Variants in CADM2 observed in about 807,000 individuals in gnomAD.
CADM2 encodes the protein immunoglobulin superfamily member 4D.
A neutral mutation model predicts 49.8 loss-of-function variants in CADM2; 12 were observed. The ratio of observed to expected loss-of-function variants is 0.24; its 90% CI spans 0.15 to 0.39. CADM2 has a LOEUF of 0.39. Ranked by LOEUF, CADM2 falls within the 10% of genes least tolerant of loss-of-function variation. The pLI is 1.00. For missense variants in CADM2, 378 were observed against 492.3 expected (o/e 0.77, Z 2.20); for synonymous variants, 214 against 175.4 (o/e 1.22, Z -1.74).
At chr3:85,619,846 C>G (rs918466324) in intron 1 of CADM2, among the ~76,000 whole-genome samples, 1 of 152,154 alleles carries the variant, frequency 6.6e-6, no homozygotes, top group Non-Finnish European at 1.5e-5. Context: ...AACTTAAAAT[C>G]AACATTGCTT....
At chr3:85,498,426 C>T (rs1357168190) in intron 1 of CADM2, among the ~76,000 whole-genome samples, 1 of 152,024 alleles carries the variant, frequency 6.6e-6, no homozygotes, top group African/African-American at 2.4e-5. Context: ...ATTTGTATAT[C>T]GGTCACTCTG....
At chr3:85,666,238 G>C (rs11708601) in intron 1 of CADM2, among the ~76,000 whole-genome samples, 58,312 of 151,788 alleles carry the variant, frequency 0.38, 12,308 homozygotes, top group East Asian at 0.54. Flanking sequence ...AAGGAAATAA[G>C]ATAGGACACA....
Position 85,229,783 on chromosome 3 carries a change from G to C in CADM2, c.61+270115G>C, listed in dbSNP as rs182378723. Among the ~76,000 whole-genome samples, 272 of 152,272 alleles carry C rather than the reference G, an allele frequency of 1.8e-3. 1 individual carries two copies. Among genetic ancestry groups the C allele is most frequent in the African/African-American group, 6.3e-3 (261 of 41,538 alleles). On this transcript the variant is annotated intron_variant, in intron 1 of 9. Transcript: ENST00000383699. ...GATTGTCATGGCCTCAGGTGTACAA[G>C]TGTGAACAACCTTTCTTCCTGTCTT...
chr3:84,983,428 T>C (rs1559601852), intron 1 of CADM2, among the ~76,000 whole-genome samples: 1 of 152,016 alleles, frequency 6.6e-6, no homozygotes, highest in Non-Finnish European at 1.5e-5. Flanking sequence ...TTGACTATTA[T>C]GCCTAGAATT....
At chr3:85,468,529 T>G (rs1416348189) in intron 1 of CADM2, among the ~76,000 whole-genome samples, 3 of 152,176 alleles carry the variant, frequency 2.0e-5, no homozygotes, top group Non-Finnish European at 4.4e-5. Context: ...TAGTTCACAT[T>G]TATTTCAATG....
intron 1 of CADM2, among the ~76,000 whole-genome samples, chr3:85,288,272 G>A (rs1056784302): frequency 2.6e-5 from 4 of 151,950 alleles, no homozygotes; most frequent in African/African-American, 7.2e-5. Flanking sequence ...TTAATGACAA[G>A]TGTATATGGA....
At chr3:85,847,547 T>C (rs925439452) in intron 3 of CADM2, among the ~76,000 whole-genome samples, 2 of 152,198 alleles carry the variant, frequency 1.3e-5, no homozygotes, top group Non-Finnish European at 2.9e-5. Flanking sequence ...CTTAAAAATG[T>C]TCTTGGAGAA....
chr3:85,201,787 G>A (rs1457920011), intron 1 of CADM2, among the ~76,000 whole-genome samples: 2 of 152,012 alleles, frequency 1.3e-5, no homozygotes, highest in South Asian at 4.2e-4. Context: ...TCATGTATAA[G>A]AAGCAACTCC....
chr3:85,838,490 T>G (rs1181020087), intron 3 of CADM2, among the ~76,000 whole-genome samples: 1 of 151,840 alleles, frequency 6.6e-6, no homozygotes, highest in Non-Finnish European at 1.5e-5. Flanking sequence ...TAGCACATAT[T>G]ATGCACTCAA....
intron 5 of CADM2, among the ~76,000 whole-genome samples, chr3:85,889,447 T>C (rs1249935761): frequency 6.6e-6 from 1 of 152,180 alleles, no homozygotes; most frequent in East Asian, 1.9e-4. Context: ...CCTGAAAATG[T>C]GCGTGTTTGC....
chr3:85,326,947 A>ATT (rs146004301), intron 1 of CADM2, among the ~76,000 whole-genome samples: 5 of 150,626 alleles, frequency 3.3e-5, no homozygotes, highest in African/African-American at 1.2e-4. Flanking sequence ...GATTAGATCA[A>ATT]TTTTTTTTTT....
At position 85,124,641 on chromosome 3, in the gene CADM2, C is replaced by G. The variant is rs57414148; in HGVS notation, c.61+164973C>G. ...TAACTAACAAACAAAAACAAGTAAA[C>G]AAAGAAAATACTGCAAGTGGAAAAT... On this transcript the variant is annotated intron_variant, in intron 1 of 9. Coordinates refer to ENST00000383699, the MANE Select transcript of CADM2 (RefSeq NM_001167675.2). Among the ~76,000 whole-genome samples the G allele has an allele frequency of 5.9e-3, 905 of 152,104 alleles. 13 individuals are homozygous for G. Among genetic ancestry groups the G allele is most frequent in the African/African-American group, 0.02 (841 of 41,490 alleles).
chr3:85,897,681 A>G (rs1034638280), intron 5 of CADM2, among the ~76,000 whole-genome samples: 5 of 152,104 alleles, frequency 3.3e-5, no homozygotes, highest in Admixed American at 1.3e-4. Flanking sequence ...AAACTACTTG[A>G]TAAATGGTAG....
intron 1 of CADM2, among the ~76,000 whole-genome samples, chr3:85,699,710 C>T (rs182338144): frequency 6.6e-6 from 1 of 152,218 alleles, no homozygotes. Flanking sequence ...ATTTTTCCCC[C>T]CTAGGCCTCC....
chr3:85,298,334 A>G (rs76836015), intron 1 of CADM2, among the ~76,000 whole-genome samples: 7,286 of 152,150 alleles, frequency 0.048, 486 homozygotes, highest in African/African-American at 0.15. Context: ...TGAGACTTCA[A>G]TTGGCCATCC....
intron 1 of CADM2, among the ~76,000 whole-genome samples, chr3:85,664,190 T>C (rs1374812387): frequency 6.6e-6 from 1 of 152,048 alleles, no homozygotes; most frequent in East Asian, 1.9e-4. Flanking sequence ...TTTTATTGGG[T>C]AATGTTTAGT....
intron 1 of CADM2, among the ~76,000 whole-genome samples, chr3:85,355,382 A>G (rs1282392035): frequency 6.6e-6 from 1 of 152,102 alleles, no homozygotes. Flanking sequence ...CCAGGAACTC[A>G]ATTTTTAAGG....
At chr3:85,460,765 C>G (rs2107588648) in intron 1 of CADM2, among the ~76,000 whole-genome samples, 1 of 133,042 alleles carries the variant, frequency 7.5e-6, no homozygotes, top group South Asian at 2.4e-4. Context: ...TGTCTGCATT[C>G]ACCAGCCCAC....
At position 85,370,528 on chromosome 3, in the gene CADM2, C is replaced by T. The variant is rs12107478; in HGVS notation, c.62-355994C>T. 2.9e-3 allele frequency among the ~76,000 whole-genome samples: 436 copies of T among 152,244 alleles called. 1 individual carries two copies. The highest frequency in any genetic ancestry group is 0.01 in the African/African-American group (424 of 41,550). On this transcript the variant is annotated intron_variant, in intron 1 of 9. Coordinates refer to ENST00000383699, the MANE Select transcript of CADM2 (RefSeq NM_001167675.2). ...AAGTAATAGCACAATGCATTACTCA[C>T]ATGTTTGTGTTGATGCCAATGAAAA...
Sources: gnomAD v4.1 joint callset for allele counts (sites outside exome capture counted in the v4.1 genomes callset) on GRCh38, gnomAD v4.1.1 for gene constraint, MANE v1.5 for transcripts, NCBI Gene and HGNC (gene_info 2026-07-23, HGNC 2026-07-21) for gene names.